Variants in PDE2A observed in about 807,000 individuals in gnomAD.
The protein encoded by PDE2A is cGMP-dependent 3',5'-cyclic phosphodiesterase.
A neutral mutation model predicts 133.6 loss-of-function variants in PDE2A; 53 were observed. That is an observed-to-expected ratio of 0.40 (90% CI 0.32 to 0.50). PDE2A has a LOEUF of 0.50. Ranked by LOEUF, PDE2A falls within the 20% of genes least tolerant of loss-of-function variation. The pLI, the probability that PDE2A is intolerant of heterozygous loss-of-function variation, is 0.73. For missense variants in PDE2A, 796 were observed against 1,232.4 expected (o/e 0.65, Z 5.30); for synonymous variants, 491 against 490.2 (o/e 1.00, Z -0.02).
chr11:72,657,972 G>C (rs1423714584), intron 1 of PDE2A: 7 of 456,308 alleles, frequency 1.5e-5, no homozygotes, highest in Admixed American at 9.4e-5. Context: ...GAGCTGAGGA[G>C]GGGTGGAGGG....
intron 2 of PDE2A, chr11:72,635,937 T>C: frequency 8.6e-7 from 1 of 1,167,078 alleles, no homozygotes; most frequent in Non-Finnish European, 1.1e-6. Context: ...CCACCCGACC[T>C]TCCCGCTCCC....
At chr11:72,647,494 C>T (rs1027487821) in intron 1 of PDE2A, among the ~76,000 whole-genome samples, 2 of 152,246 alleles carry the variant, frequency 1.3e-5, no homozygotes, top group Non-Finnish European at 2.9e-5. Flanking sequence ...AGGCACCAGG[C>T]CCAAAGATAT....
At position 72,584,322 on chromosome 11, in the gene PDE2A, G is replaced by A. The variant is rs745675281; in HGVS notation, c.1538-9C>T. Reference sequence around the variant, plus strand: ...GGCCACACCGATGACCTCTGGGGAAGGGAGAGGGGCAAGGAACCACCGGTG... The same window carrying A: ...GGCCACACCGATGACCTCTGGGGAAAGGAGAGGGGCAAGGAACCACCGGTG... On this transcript the variant is annotated splice_polypyrimidine_tract_variant and intron_variant, in intron 18 of 30. Coordinates refer to ENST00000334456, the MANE Select transcript of PDE2A (RefSeq NM_002599.5). 6 of 1,567,898 alleles carry A rather than the reference G, an allele frequency of 3.8e-6. No homozygotes were observed. In the Admixed American group the frequency reaches 1.0e-4, roughly 26 times the overall value.
rs150268073 is a variant in PDE2A, at chr11:72,605,744, C to T, written c.235-518G>A. 5.2e-3 allele frequency among the ~76,000 whole-genome samples: 789 copies of T among 152,340 alleles called. 8 individuals carry two copies. The highest frequency in any genetic ancestry group is 0.018 in the African/African-American group (748 of 41,564). The stretch of plus-strand genomic sequence containing the variant: ...CAGAGCAGGGCACTGCGCCATCCTC[C>T]GGTGGGGCTGGAGAGGGCTTCCTGG... On this transcript the variant is annotated intron_variant, in intron 3 of 30. Transcript: ENST00000334456.
intron 17 of PDE2A, 53 bp downstream of exon 17, chr11:72,584,819 C>T (rs1368032610): frequency 2.5e-6 from 4 of 1,610,150 alleles, no homozygotes; most frequent in East Asian, 4.5e-5. Context: ...CCAGCGCCGC[C>T]GGCGGACTCC....
At chr11:72,623,428 G>A (rs1265640275) in intron 2 of PDE2A, among the ~76,000 whole-genome samples, 1 of 151,942 alleles carries the variant, frequency 6.6e-6, no homozygotes, top group African/African-American at 2.4e-5. Flanking sequence ...TTTAAGGCTC[G>A]GTCCTCAGTC....
chr11:72,615,013 C>T (rs776226344), intron 2 of PDE2A: 1 of 438,798 alleles, frequency 2.3e-6, no homozygotes, highest in South Asian at 1.6e-5. Context: ...CGCTCCATGC[C>T]CCCATCCCTC....
In PDE2A at chr11:72,590,607, C is replaced by T; in HGVS notation, c.550-27G>A. The T allele has an allele frequency of 1.5e-6, 2 of 1,350,192 alleles. No individual in the cohort carries two copies. Among genetic ancestry groups the T allele is most frequent in the South Asian group, 1.9e-5 (1 of 53,778 alleles). The allele number at this position is 1,350,192 out of a possible 1,614,324, so 83.6% of individuals were successfully genotyped here. ...TGGGGCAGGCCGAGCGGTTAGCGCG[C>T]CGCTCGCCCCAAGCTCGCTGCGCTT... On this transcript the variant is annotated intron_variant, in intron 7 of 30. Coordinates refer to ENST00000334456, the MANE Select transcript of PDE2A (RefSeq NM_002599.5). This position sits in a 1 kb window ranked among gnomAD's most constrained non-coding sequence, Gnocchi z 4.8.
intron 13 of PDE2A, among the ~76,000 whole-genome samples, chr11:72,588,499 C>G (rs1856080838): frequency 6.6e-6 from 1 of 152,214 alleles, no homozygotes; most frequent in African/African-American, 2.4e-5. Context: ...ACACCCACCC[C>G]TCCATCTAGC....
chr11:72,619,661 T>G (rs462177), intron 2 of PDE2A, among the ~76,000 whole-genome samples: 129,793 of 152,184 alleles, frequency 0.85, 56,019 homozygotes, highest in African/African-American at 0.94. Flanking sequence ...CTGTCTGGGG[T>G]GCTGTGAATG....
chr11:72,632,289 C>T (rs528559762), intron 2 of PDE2A, among the ~76,000 whole-genome samples: 4 of 152,258 alleles, frequency 2.6e-5, no homozygotes, highest in Non-Finnish European at 4.4e-5. Flanking sequence ...GTGGTGTGGC[C>T]GAAGCAGGGC....
chr11:72,589,621 C>T (rs1458909369), intron 11 of PDE2A, 130 bp downstream of exon 11: 3 of 797,124 alleles, frequency 3.8e-6, no homozygotes, highest in Admixed American at 4.2e-5. Context: ...TAAGTAGTCC[C>T]AAGATCCAGA....
chr11:72,581,850 A>C, intron 22 of PDE2A, 27 bp downstream of exon 22: 1 of 1,608,674 alleles, frequency 6.2e-7, no homozygotes, highest in Non-Finnish European at 8.5e-7. Context: ...GGAGGCGAAG[A>C]CTGGGGCTGT....
At chr11:72,655,576 A>G (rs1854875887) in intron 1 of PDE2A, among the ~76,000 whole-genome samples, 1 of 151,844 alleles carries the variant, frequency 6.6e-6, no homozygotes, top group Non-Finnish European at 1.5e-5. Flanking sequence ...TGTGAATGCA[A>G]GATGTGAGCC....
chr11:72,611,252 G>A (rs903011444), intron 2 of PDE2A, among the ~76,000 whole-genome samples: 1 of 152,180 alleles, frequency 6.6e-6, no homozygotes, highest in Non-Finnish European at 1.5e-5. Context: ...TGACCGATGA[G>A]GAAGCTGAGG....
At chr11:72,605,467 G>T (rs1224436656) in intron 3 of PDE2A, among the ~76,000 whole-genome samples, 1 of 152,212 alleles carries the variant, frequency 6.6e-6, no homozygotes, top group African/African-American at 2.4e-5. Flanking sequence ...AATGATTCAT[G>T]AACCTATGAC....
chr11:72,631,077 C>T lies in PDE2A; in HGVS notation c.144+11177G>A. 3 of 1,546,930 alleles carry T rather than the reference C, an allele frequency of 1.9e-6. No homozygotes were observed. In the South Asian group the frequency reaches 3.6e-5, roughly 18 times the overall value. On this transcript the variant is annotated intron_variant, in intron 2 of 30. Coordinates refer to ENST00000334456, the MANE Select transcript of PDE2A (RefSeq NM_002599.5). ...CACTTCTCCCTCCACTGAGCTCTCA[C>T]CTCCAGTCGGTCGTCTCTACTCCCT...
Position 72,584,331 on chromosome 11 carries a change from G to A in PDE2A, c.1538-18C>T. 6.6e-6 allele frequency: 10 copies of A among 1,505,228 alleles called. No individual in the cohort carries two copies. The highest frequency in any genetic ancestry group is 9.2e-6 in the Non-Finnish European group (10 of 1,081,348). 93.2% of individuals were successfully genotyped at this position (1,505,228 alleles called of 1,614,324 possible). On this transcript the variant is annotated intron_variant, in intron 18 of 30. Transcript: ENST00000334456. The stretch of plus-strand genomic sequence containing the variant: ...GATGACCTCTGGGGAAGGGAGAGGG[G>A]CAAGGAACCACCGGTGGAGGGAGGG...
At chr11:72,587,759 G>C (rs1448080070) in intron 13 of PDE2A, 1 of 152,338 alleles carries the variant, frequency 6.6e-6, no homozygotes, top group Non-Finnish European at 1.5e-5. Context: ...CATTCTCCCT[G>C]CCTCAGCTGA....
Sources: allele counts gnomAD v4.1 joint callset (sites outside exome capture counted in the v4.1 genomes callset), GRCh38; gene constraint gnomAD v4.1.1; non-coding constraint Gnocchi (gnomAD v3.1); transcripts MANE v1.5; gene names NCBI Gene and HGNC (gene_info 2026-07-23, HGNC 2026-07-21).